The following EPHA6 variants were observed in gnomAD, a reference collection of about 807,000 sequenced individuals.
The protein encoded by EPHA6 is ephrin type-A receptor 6.
In EPHA6, 50 loss-of-function variants were observed where a neutral mutation model predicts 112.0. That is an observed-to-expected ratio of 0.45 (90% CI 0.36 to 0.56). The LOEUF is 0.56. Among genes scored for constraint, EPHA6 ranks in the 20% least tolerant of loss-of-function variants. The pLI is 0.00. For synonymous variants in EPHA6, 529 were observed against 490.7 expected, an observed-to-expected ratio of 1.08 and a Z score of -1.03; for missense variants, 1,280 against 1,417.4, an observed-to-expected ratio of 0.90 and a Z score of 1.56.
At chr3:97,673,621 C>A (rs1329935511) in intron 14 of EPHA6, among the ~76,000 whole-genome samples, 1 of 152,190 alleles carries the variant, frequency 6.6e-6, no homozygotes, top group African/African-American at 2.4e-5. Flanking sequence ...AATTTGAGGA[C>A]AGCGAACAAG....
chr3:97,021,964 G>A (rs2044476609), intron 3 of EPHA6, among the ~76,000 whole-genome samples: 1 of 152,106 alleles, frequency 6.6e-6, no homozygotes, highest in Admixed American at 6.6e-5. Flanking sequence ...TAATCACAGT[G>A]TATTGTAACT....
Position 97,614,443 on chromosome 3 carries a change from T to C in EPHA6, c.2574+3589T>C, listed in dbSNP as rs557662060. 4.0e-5 allele frequency among the ~76,000 whole-genome samples: 6 copies of C among 150,028 alleles called. No homozygotes were observed. The East Asian group carries it at 7.9e-4, about 20-fold the overall frequency. On this transcript the variant is annotated intron_variant, in intron 13 of 17. Coordinates refer to ENST00000389672, the MANE Select transcript of EPHA6 (RefSeq NM_001080448.3). Reference sequence around the variant, plus strand: ...TCCGCCTCCCGGGTTCAAGTGATTCTCCTGCCTCAGCCTCCCAAGTAACTG... The same window carrying C: ...TCCGCCTCCCGGGTTCAAGTGATTCCCCTGCCTCAGCCTCCCAAGTAACTG...
intron 2 of EPHA6, among the ~76,000 whole-genome samples, chr3:96,895,562 G>A (rs1426858937): frequency 6.6e-6 from 1 of 152,152 alleles, no homozygotes; most frequent in Non-Finnish European, 1.5e-5. Context: ...TCACCACGCA[G>A]TCACTGACTC....
chr3:97,696,255 G>A (rs2033032722), intron 14 of EPHA6, among the ~76,000 whole-genome samples: 1 of 152,216 alleles, frequency 6.6e-6, no homozygotes. Flanking sequence ...GGGGCTATGA[G>A]AGGGAGAACA....
At chr3:96,946,213 G>A (rs2041245485) in intron 2 of EPHA6, among the ~76,000 whole-genome samples, 1 of 151,602 alleles carries the variant, frequency 6.6e-6, no homozygotes, top group Non-Finnish European at 1.5e-5. Flanking sequence ...TAGGGTACAT[G>A]TGCACAACAT....
At chr3:97,392,018 A>G (rs372261644) in intron 5 of EPHA6, among the ~76,000 whole-genome samples, 1 of 151,804 alleles carries the variant, frequency 6.6e-6, no homozygotes, top group Non-Finnish European at 1.5e-5. Flanking sequence ...ATGGTTTAAG[A>G]CACTCTTGAA....
intron 3 of EPHA6, among the ~76,000 whole-genome samples, chr3:97,066,456 G>A (rs374925587): frequency 2.0e-4 from 30 of 152,070 alleles, no homozygotes; most frequent in African/African-American, 6.7e-4. Flanking sequence ...TTATTAAATA[G>A]GTCATATGTC....
At chr3:96,983,424 T>A (rs914171425) in intron 2 of EPHA6, among the ~76,000 whole-genome samples, 2 of 152,242 alleles carry the variant, frequency 1.3e-5, no homozygotes, top group African/African-American at 4.8e-5. Flanking sequence ...AGAGATCAGC[T>A]GTTAGTCTGA....
chr3:96,875,189 A>G (rs2107487716), intron 2 of EPHA6, among the ~76,000 whole-genome samples: 1 of 152,210 alleles, frequency 6.6e-6, no homozygotes, highest in South Asian at 2.1e-4. Context: ...AACATGAAAG[A>G]TCGTGGAAGG....
At chr3:97,077,480 G>A (rs891362775) in intron 3 of EPHA6, among the ~76,000 whole-genome samples, 7 of 152,134 alleles carry the variant, frequency 4.6e-5, no homozygotes, top group Middle Eastern at 3.4e-3. Flanking sequence ...ATGCTGGCCC[G>A]CTGTACCCAT....
In EPHA6 at chr3:97,226,245, T is replaced by G. The variant is rs368120318; in HGVS notation, c.1115-19T>G. 14 of 1,578,484 alleles carry G rather than the reference T, an allele frequency of 8.9e-6. No homozygotes were observed. In the African/African-American group the frequency reaches 1.4e-4, roughly 16 times the overall value. On this transcript the variant is annotated intron_variant, in intron 3 of 17. Coordinates refer to ENST00000389672, the MANE Select transcript of EPHA6 (RefSeq NM_001080448.3). ...CCTAGCAATAATAACTAAAAAAGTG[T>G]TTTTTTCTCTTTTTACAGCTTGCAG...
intron 3 of EPHA6, among the ~76,000 whole-genome samples, chr3:97,132,935 T>G (rs1259788481): frequency 6.6e-6 from 1 of 152,064 alleles, no homozygotes; most frequent in Non-Finnish European, 1.5e-5. Flanking sequence ...TTGAGGATAT[T>G]GAACTCTAGC....
intron 4 of EPHA6, among the ~76,000 whole-genome samples, chr3:97,229,782 G>A (rs1194222843): frequency 1.3e-5 from 2 of 152,004 alleles, no homozygotes; most frequent in Admixed American, 1.3e-4. Flanking sequence ...TACATTCATT[G>A]TTGCTATTCA....
At position 96,894,637 on chromosome 3, in the gene EPHA6, C is replaced by T. The variant is rs922146469; in HGVS notation, c.450+27748C>T. On this transcript the variant is annotated intron_variant, in intron 2 of 17. Transcript: ENST00000389672. ...AGGGAAGAAGACAATCGAGTTTGTC[C>T]GTGATTTCAGAAGACATACCGAGAA... Among the ~76,000 whole-genome samples, 5 of 151,802 alleles carry T rather than the reference C, an allele frequency of 3.3e-5. No individual in the cohort carries two copies. The East Asian group carries it at 5.8e-4, about 18-fold the overall frequency.
chr3:97,616,834 T>A (rs1449060307), intron 13 of EPHA6, among the ~76,000 whole-genome samples: 1 of 151,974 alleles, frequency 6.6e-6, no homozygotes, highest in Admixed American at 6.6e-5. Context: ...ATGGGGAGAA[T>A]GGAACCAATG....
At chr3:97,455,933 A>G (rs913876325) in intron 7 of EPHA6, among the ~76,000 whole-genome samples, 26 of 152,214 alleles carry the variant, frequency 1.7e-4, no homozygotes, top group African/African-American at 5.3e-4. Context: ...CTTATGTACC[A>G]TAAGACAGAT....
At chr3:97,123,829 C>A (rs2048109210) in intron 3 of EPHA6, among the ~76,000 whole-genome samples, 1 of 151,980 alleles carries the variant, frequency 6.6e-6, no homozygotes, top group South Asian at 2.1e-4. Flanking sequence ...TGCCATAGAA[C>A]TTATGCTCCA....
intron 2 of EPHA6, among the ~76,000 whole-genome samples, chr3:96,934,140 C>G (rs1182604323): frequency 6.6e-6 from 1 of 151,820 alleles, no homozygotes; most frequent in Admixed American, 6.6e-5. Flanking sequence ...GTTCTATTCA[C>G]AGGGGCAAGT....
intron 3 of EPHA6, among the ~76,000 whole-genome samples, chr3:97,061,108 A>G (rs2046008227): frequency 6.6e-6 from 1 of 152,178 alleles, no homozygotes; most frequent in African/African-American, 2.4e-5. Context: ...TAGGTAAAGA[A>G]GAAGTAGCTA....
Sources: allele counts gnomAD v4.1 joint callset (sites outside exome capture counted in the v4.1 genomes callset), GRCh38; gene constraint gnomAD v4.1.1; transcripts MANE v1.5; gene names NCBI Gene and HGNC (gene_info 2026-07-23, HGNC 2026-07-21).